Variants in RAPGEF2 observed in about 807,000 individuals in gnomAD.
RAPGEF2 encodes Rap guanine nucleotide exchange factor 2.
In RAPGEF2, 54 loss-of-function variants were observed where a neutral mutation model predicts 186.7. That is an observed-to-expected ratio of 0.29 (90% CI 0.23 to 0.36). The LOEUF is 0.36. Among genes scored for constraint, RAPGEF2 ranks in the 10% least tolerant of loss-of-function variants. RAPGEF2 has a pLI of 1.00. For missense variants in RAPGEF2, 1,532 were observed against 2,045.0 expected (o/e 0.75, Z 4.84); for synonymous variants, 712 against 705.9 (o/e 1.01, Z -0.14).
chr4:159,267,165 T>C (rs1757531219), intron 7 of RAPGEF2: 5 of 1,284,502 alleles, frequency 3.9e-6, no homozygotes, highest in Non-Finnish European at 4.1e-6. Context: ...AGAGACAGAC[T>C]ACAGTGTCTT....
At chr4:159,326,903 C>T (rs892316502) in intron 11 of RAPGEF2, 4 of 152,234 alleles carry the variant, frequency 2.6e-5, no homozygotes, top group Non-Finnish European at 4.4e-5. Context: ...CTCCACCCTT[C>T]AAGTGGGGAA....
chr4:159,206,513 A>G (rs1168929401), intron 3 of RAPGEF2, among the ~76,000 whole-genome samples: 1 of 152,198 alleles, frequency 6.6e-6, no homozygotes, highest in Non-Finnish European at 1.5e-5. Context: ...ACTACTAAGT[A>G]CTATTTTCAT....
In RAPGEF2 at chr4:159,331,757, A is replaced by C; in HGVS notation, c.1703A>C (p.Lys568Thr). Residue 568 changes from lysine to threonine, a missense_variant, in exon 15 of 30, where the codon AAG (lysine) becomes ACG (threonine). By Grantham distance (78) the Lys-to-Thr change is moderately conservative. Coordinates refer to ENST00000691494, the MANE Select transcript of RAPGEF2 (RefSeq NM_001394067.2). ...LPFILLGGSE[K>T]GFGIFVDSVD... Reference sequence around the variant, plus strand: ...TTTATCTTACTTGGAGGCTCTGAGAAGGGATTTGGAATCTTTGTTGACAGT... The same window carrying C: ...TTTATCTTACTTGGAGGCTCTGAGACGGGATTTGGAATCTTTGTTGACAGT... 1 of 1,614,136 alleles carries C rather than the reference A, an allele frequency of 6.2e-7. No homozygotes were observed. Among genetic ancestry groups the C allele is most frequent in the Non-Finnish European group, 8.5e-7 (1 of 1,180,004 alleles).
chr4:159,339,167 A>T lies in RAPGEF2; in HGVS notation c.2347A>T (p.Ile783Phe). 6.2e-7 allele frequency: 1 copy of T among 1,614,174 alleles called. No individual in the cohort carries two copies. The highest frequency in any genetic ancestry group is 8.5e-7 in the Non-Finnish European group (1 of 1,180,010). The change falls in exon 19 of 30, where the codon ATC becomes TTC. Residue 783 changes from isoleucine (I) to phenylalanine (F), a missense_variant. Coordinates refer to ENST00000691494, the MANE Select transcript of RAPGEF2 (RefSeq NM_001394067.2). ...VFKADQQSRY[I>F]MISKDTTAKE... ...TAAGGCTGATCAGCAAAGCCGCTAC[A>T]TCATGATCAGTAAGGACACTACAGC...
At chr4:159,148,853 G>A (rs1743219453) in intron 1 of RAPGEF2, among the ~76,000 whole-genome samples, 1 of 152,088 alleles carries the variant, frequency 6.6e-6, no homozygotes. Flanking sequence ...TCTTTTTGTA[G>A]TCTATTTTCT....
At chr4:159,153,156 C>A (rs542466761) in intron 1 of RAPGEF2, among the ~76,000 whole-genome samples, 5 of 152,262 alleles carry the variant, frequency 3.3e-5, no homozygotes, top group African/African-American at 9.6e-5. Context: ...CATGAAAATT[C>A]TCTGGTGCAG....
At chr4:159,148,143 A>G (rs572800154) in intron 1 of RAPGEF2, among the ~76,000 whole-genome samples, 142 of 152,202 alleles carry the variant, frequency 9.3e-4, no homozygotes, top group Non-Finnish European at 1.3e-3. Flanking sequence ...TTAGATCTAT[A>G]TCAAAAATTA....
chr4:159,204,228 T>G (rs1749738805), intron 3 of RAPGEF2, among the ~76,000 whole-genome samples: 1 of 152,140 alleles, frequency 6.6e-6, no homozygotes, highest in Admixed American at 6.5e-5. Flanking sequence ...TGAAATTAGA[T>G]GGGCTAAGTA....
At chr4:159,145,302 A>G (rs1185003673) in intron 1 of RAPGEF2, among the ~76,000 whole-genome samples, 3 of 152,194 alleles carry the variant, frequency 2.0e-5, no homozygotes, top group Non-Finnish European at 2.9e-5. Flanking sequence ...ATAGAACATA[A>G]TGCAAGCCAC....
At chr4:159,308,268 C>G (rs1007322130) in intron 8 of RAPGEF2, among the ~76,000 whole-genome samples, 4 of 152,104 alleles carry the variant, frequency 2.6e-5, no homozygotes, top group Non-Finnish European at 5.9e-5. Context: ...CTATTTGTTT[C>G]AAATTTGATG....
intron 11 of RAPGEF2, 102 bp downstream of exon 11, chr4:159,323,719 A>ATT: frequency 4.4e-6 from 3 of 689,176 alleles, no homozygotes; most frequent in South Asian, 6.6e-5. Context: ...TCTTACAAAT[A>ATT]ATTTTTTTTT....
chr4:159,168,169 A>C (rs1745525476), intron 1 of RAPGEF2, among the ~76,000 whole-genome samples: 1 of 152,216 alleles, frequency 6.6e-6, no homozygotes, highest in Non-Finnish European at 1.5e-5. Flanking sequence ...CTTTACTTTC[A>C]TACAACAGTA....
chr4:159,160,591 T>C (rs1436480293), intron 1 of RAPGEF2, among the ~76,000 whole-genome samples: 1 of 152,236 alleles, frequency 6.6e-6, no homozygotes, highest in Non-Finnish European at 1.5e-5. Flanking sequence ...CTAACTGCAT[T>C]GCCTGCGCAC....
At chr4:159,311,923 T>C (rs551138834) in intron 8 of RAPGEF2, among the ~76,000 whole-genome samples, 1 of 152,292 alleles carries the variant, frequency 6.6e-6, no homozygotes, top group South Asian at 2.1e-4. Context: ...TCTAAATTTT[T>C]GGTTTAGTAA....
At chr4:159,338,618 C>A in intron 18 of RAPGEF2, 150 bp downstream of exon 18, 1 of 866,634 alleles carries the variant, frequency 1.2e-6, no homozygotes, top group Non-Finnish European at 1.7e-6. Flanking sequence ...TTTTTGAAAT[C>A]AGGTGTTGGA....
intron 1 of RAPGEF2, among the ~76,000 whole-genome samples, chr4:159,110,239 G>A (rs1420659997): frequency 6.6e-6 from 1 of 152,046 alleles, no homozygotes; most frequent in Non-Finnish European, 1.5e-5. Flanking sequence ...AAACATTAAT[G>A]TCTTCTACTA....
At chr4:159,330,070 G>A (rs1766435555) in intron 12 of RAPGEF2, 60 bp downstream of exon 12, 1 of 1,531,068 alleles carries the variant, frequency 6.5e-7, no homozygotes, top group Admixed American at 2.2e-5. Context: ...TATTGGTTGT[G>A]GCAGTTTAGG....
chr4:159,198,419 T>TTC (rs1433548140), intron 3 of RAPGEF2, among the ~76,000 whole-genome samples: 102 of 119,872 alleles, frequency 8.5e-4, no homozygotes, highest in Non-Finnish European at 1.2e-3. Context: ...TCTTCCTCTC[T>TTC]CTCTCTCTCT....
intron 4 of RAPGEF2, among the ~76,000 whole-genome samples, chr4:159,235,851 A>T (rs1247989078): frequency 6.6e-6 from 1 of 151,636 alleles, no homozygotes; most frequent in Non-Finnish European, 1.5e-5. Context: ...TCTAGCTAAC[A>T]TTTTTTTTTC....
Sources: gnomAD v4.1 joint callset for allele counts (sites outside exome capture counted in the v4.1 genomes callset) on GRCh38, gnomAD v4.1.1 for gene constraint, MANE v1.5 for transcripts, NCBI Gene and HGNC (gene_info 2026-07-23, HGNC 2026-07-21) for gene names.